FAF1: variants seen among roughly 807,000 people sequenced by gnomAD.
FAF1 encodes the protein Fas associated factor 1.
In FAF1, 25 loss-of-function variants were observed where a neutral mutation model predicts 92.5. The observed-to-expected ratio is 0.27, with a 90% CI of 0.20 to 0.38. The LOEUF is 0.38. FAF1 is among the 10% of genes least tolerant of loss of function. FAF1 has a pLI of 1.00. For missense variants in FAF1, 636 were observed against 793.3 expected (o/e 0.80, Z 2.38); for synonymous variants, 234 against 273.2 (o/e 0.86, Z 1.42).
chr1:50,716,467 G>A (rs1359678024), intron 6 of FAF1, among the ~76,000 whole-genome samples: 2 of 152,146 alleles, frequency 1.3e-5, no homozygotes, highest in Non-Finnish European at 1.5e-5. Context: ...GGACTTCCTG[G>A]GTCGAGTGGG....
At chr1:50,488,567 G>T (rs1328426921) in intron 17 of FAF1, among the ~76,000 whole-genome samples, 2 of 152,150 alleles carry the variant, frequency 1.3e-5, no homozygotes, top group Non-Finnish European at 2.9e-5. Context: ...TAGCCTAAAA[G>T]GATAGTGACT....
At chr1:50,591,570 G>C (rs968979848) in intron 9 of FAF1, among the ~76,000 whole-genome samples, 2 of 151,016 alleles carry the variant, frequency 1.3e-5, no homozygotes, top group East Asian at 2.0e-4. Flanking sequence ...TTACTCAGGA[G>C]ACTGAGGCAC....
chr1:50,628,652 T>C (rs1307559145), intron 8 of FAF1, among the ~76,000 whole-genome samples: 1 of 152,184 alleles, frequency 6.6e-6, no homozygotes, highest in East Asian at 1.9e-4. Flanking sequence ...TCTAGACCAA[T>C]GCAACTAAAA....
intron 17 of FAF1, among the ~76,000 whole-genome samples, chr1:50,481,571 G>A (rs531221891): frequency 6.6e-6 from 1 of 152,278 alleles, no homozygotes; most frequent in East Asian, 1.9e-4. Flanking sequence ...GTTTGTGTAA[G>A]TAAAGTCTAG....
At chr1:50,862,386 C>T (rs1012895693) in intron 1 of FAF1, among the ~76,000 whole-genome samples, 16 of 151,732 alleles carry the variant, frequency 1.1e-4, no homozygotes, top group African/African-American at 2.4e-4. Flanking sequence ...AAATAGAGAA[C>T]GCTGGATAGA....
intron 8 of FAF1, among the ~76,000 whole-genome samples, chr1:50,648,739 C>A (rs1654710107): frequency 6.6e-6 from 1 of 152,118 alleles, no homozygotes; most frequent in South Asian, 2.1e-4. Context: ...CCAGCCTGAC[C>A]AACATGGAGA....
intron 8 of FAF1, among the ~76,000 whole-genome samples, chr1:50,621,383 C>CTTTTT (rs1055594541): frequency 1.8e-5 from 2 of 110,734 alleles, no homozygotes; most frequent in Admixed American, 9.2e-5. Context: ...CCCGATCTTT[C>CTTTTT]TTTTTTTCTT....
At chr1:50,757,160 C>CAT (rs1660109581) in intron 4 of FAF1, among the ~76,000 whole-genome samples, 1 of 152,128 alleles carries the variant, frequency 6.6e-6, no homozygotes, top group Admixed American at 6.5e-5. Context: ...TGTGACTGAG[C>CAT]ATATGTTCTA....
intron 1 of FAF1, among the ~76,000 whole-genome samples, chr1:50,910,418 G>A (rs1644875254): frequency 6.6e-6 from 1 of 152,168 alleles, no homozygotes; most frequent in African/African-American, 2.4e-5. Flanking sequence ...AAAGCTGTCA[G>A]ACAGGGAAGT....
intron 4 of FAF1, among the ~76,000 whole-genome samples, chr1:50,755,825 C>G (rs1445669942): frequency 6.6e-6 from 1 of 152,202 alleles, no homozygotes; most frequent in Admixed American, 6.5e-5. Flanking sequence ...AGCTTGTACC[C>G]TCTGAAGCCA....
At chr1:50,758,394 A>C (rs936457849) in intron 4 of FAF1, among the ~76,000 whole-genome samples, 24 of 152,230 alleles carry the variant, frequency 1.6e-4, no homozygotes, top group Non-Finnish European at 2.9e-5. Flanking sequence ...CCTTCAAATC[A>C]GACAGAAATC....
intron 1 of FAF1, among the ~76,000 whole-genome samples, chr1:50,938,675 T>G (rs555146606): frequency 6.6e-6 from 1 of 152,316 alleles, no homozygotes; most frequent in East Asian, 1.9e-4. Context: ...GGATATTTCC[T>G]GGGTTTTCTT....
At chr1:50,447,372 G>A (rs555171837) in intron 18 of FAF1, among the ~76,000 whole-genome samples, 17 of 152,090 alleles carry the variant, frequency 1.1e-4, no homozygotes, top group Non-Finnish European at 2.2e-4. Context: ...TGATCCGCCC[G>A]CCTCGGCCTC....
chr1:50,689,766 T>C (rs1656833246), intron 7 of FAF1, among the ~76,000 whole-genome samples: 1 of 152,178 alleles, frequency 6.6e-6, no homozygotes, highest in African/African-American at 2.4e-5. Flanking sequence ...ATGAATAAAA[T>C]ACGGATTACA....
chr1:50,904,890 T>C (rs573757511), intron 1 of FAF1, among the ~76,000 whole-genome samples: 11 of 152,112 alleles, frequency 7.2e-5, no homozygotes, highest in Non-Finnish European at 1.3e-4. Flanking sequence ...CTTTTTTTTT[T>C]CCTTTTTTTA....
intron 1 of FAF1, among the ~76,000 whole-genome samples, chr1:50,927,071 G>A (rs1000435394): frequency 4.6e-5 from 7 of 152,160 alleles, no homozygotes; most frequent in Non-Finnish European, 1.0e-4. Context: ...GAAGCAGAAA[G>A]GGGAATGGGG....
At chr1:50,710,479 T>C (rs1235032574) in intron 6 of FAF1, among the ~76,000 whole-genome samples, 1 of 152,236 alleles carries the variant, frequency 6.6e-6, no homozygotes, top group East Asian at 1.9e-4. Flanking sequence ...CCATTCATTC[T>C]TTCAACCATA....
intron 1 of FAF1, among the ~76,000 whole-genome samples, chr1:50,883,831 T>A (rs1010942968): frequency 6.6e-6 from 1 of 152,152 alleles, no homozygotes; most frequent in Non-Finnish European, 1.5e-5. Context: ...GTATTGAGTA[T>A]ACGGGAAATT....
At chr1:50,876,622 G>C (rs532192452) in intron 1 of FAF1, among the ~76,000 whole-genome samples, 1 of 152,288 alleles carries the variant, frequency 6.6e-6, no homozygotes, top group South Asian at 2.1e-4. Context: ...GTCTCACTCT[G>C]TCACCCAGGC....
Sources: allele counts gnomAD v4.1 joint callset (sites outside exome capture counted in the v4.1 genomes callset), GRCh38; gene constraint gnomAD v4.1.1; transcripts MANE v1.5; gene names NCBI Gene and HGNC (gene_info 2026-07-23, HGNC 2026-07-21).